ZNF609: variants seen among roughly 807,000 people sequenced by gnomAD.
ZNF609 encodes the protein zinc finger protein 609.
A neutral mutation model predicts 109.5 loss-of-function variants in ZNF609; 11 were observed. The ratio of observed to expected loss-of-function variants is 0.10; its 90% CI spans 0.06 to 0.17. The LOEUF (loss-of-function observed/expected upper bound fraction) is 0.17, where lower values mean the gene tolerates loss of function less well. Ranked by LOEUF, ZNF609 falls within the 10% of genes least tolerant of loss-of-function variation. The pLI, the probability that ZNF609 is intolerant of heterozygous loss-of-function variation, is 1.00. For synonymous variants in ZNF609, 646 were observed against 662.0 expected (o/e 0.98, Z 0.37); for missense variants, 1,559 against 1,772.4 (o/e 0.88, Z 2.16).
chr15:64,507,984 T>C (rs1442430696), intron 2 of ZNF609, among the ~76,000 whole-genome samples: 2 of 152,178 alleles, frequency 1.3e-5, no homozygotes, highest in Non-Finnish European at 2.9e-5. Context: ...ACAAATCCTA[T>C]TCCCTAAAGT....
chr15:64,593,053 CTG>C (rs1895328842), intron 2 of ZNF609: 5 of 1,587,160 alleles, frequency 3.2e-6, no homozygotes, highest in East Asian at 4.5e-5. Context: ...GCTGCACTAA[CTG>C]TGCCCGATGC....
intron 2 of ZNF609, among the ~76,000 whole-genome samples, chr15:64,546,522 G>A (rs1188800481): frequency 2.0e-5 from 3 of 151,494 alleles, no homozygotes; most frequent in Admixed American, 2.0e-4. Flanking sequence ...GCACAGGTTG[G>A]AGTGCGGTGG....
intron 1 of ZNF609, among the ~76,000 whole-genome samples, chr15:64,481,009 G>A (rs1046647251): frequency 2.0e-5 from 3 of 152,168 alleles, no homozygotes; most frequent in East Asian, 1.9e-4. Context: ...ATTGATTCAG[G>A]TTTCTGTAGG....
intron 2 of ZNF609, among the ~76,000 whole-genome samples, chr15:64,617,984 G>A (rs1895824803): frequency 1.3e-5 from 2 of 152,002 alleles, no homozygotes; most frequent in African/African-American, 4.8e-5. Flanking sequence ...AACTTTTGTT[G>A]GTGTAGTTAT....
chr15:64,680,666 G>A lies in ZNF609; in HGVS notation c.3966G>A (p.Gln1322=), dbSNP rs1271283053. The A allele has an allele frequency of 3.7e-6, 6 of 1,603,102 alleles. No homozygotes were observed. Among genetic ancestry groups the A allele is most frequent in the Admixed American group, 3.4e-5 (2 of 58,914 alleles). The change falls in exon 8 of 10, where the codon CAG becomes CAA. Residue 1322 remains glutamine (Q), a synonymous_variant. Coordinates refer to ENST00000326648, the MANE Select transcript of ZNF609 (RefSeq NM_015042.2). ...KSPTISDKTS[Q]ERDRGGCGVV... Reference sequence around the variant, plus strand: ...TCCAGATAAGTGATAAAACTTCTCAGGAGAGAGATCGAGGAGGCTGTGGGG... The same window carrying A: ...TCCAGATAAGTGATAAAACTTCTCAAGAGAGAGATCGAGGAGGCTGTGGGG...
In ZNF609 at chr15:64,684,582, C is replaced by G. The variant is rs576245353; in HGVS notation, c.*2896C>G. On this transcript the variant is annotated 3_prime_UTR_variant, in exon 10 of 10. Transcript: ENST00000326648. Reference sequence around the variant, plus strand: ...TCCTTCTCTTACCGAACTCTCTCCACACATCACAAGGTCAAAGAACCACAC... The same window carrying G: ...TCCTTCTCTTACCGAACTCTCTCCAGACATCACAAGGTCAAAGAACCACAC... 6.5e-6 allele frequency: 1 copy of G among 152,688 alleles called. No homozygotes were observed. Among genetic ancestry groups the G allele is most frequent in the Non-Finnish European group, 1.5e-5 (1 of 68,046 alleles). 9.5% of individuals were successfully genotyped at this position (152,688 alleles called of 1,614,324 possible). A position where few individuals can be genotyped will look rare whatever the true frequency, so the allele number is the denominator to read the frequency against.
chr15:64,680,844 A>G lies in ZNF609; in HGVS notation c.4144A>G (p.Asn1382Asp). ...GTACTCATTGCTCCCAGCACAGTAC[A>G]ACTTACCCTATGCAGCAGGTAAGCC... ...LGYSLLPAQY[N>D]LPYAAGLSST... Residue 1382 changes from asparagine to aspartate, a missense_variant, in exon 8 of 10, where the codon AAC becomes GAC. Transcript: ENST00000326648. 2 of 1,611,316 alleles carry G rather than the reference A, an allele frequency of 1.2e-6. No individual in the cohort carries two copies. Among genetic ancestry groups the G allele is most frequent in the Non-Finnish European group, 1.7e-6 (2 of 1,180,000 alleles).
chr15:64,462,254 G>A (rs1210091178), intron 1 of ZNF609, among the ~76,000 whole-genome samples: 1 of 152,254 alleles, frequency 6.6e-6, no homozygotes, highest in Non-Finnish European at 1.5e-5. Context: ...TGCCAGCCAT[G>A]TTGTGCCTGC....
chr15:64,614,234 C>CT (rs749012449), intron 2 of ZNF609, among the ~76,000 whole-genome samples: 305 of 128,384 alleles, frequency 2.4e-3, no homozygotes, highest in African/African-American at 4.4e-3. Context: ...TTCTGTATTT[C>CT]TTTTTTTTTT....
At chr15:64,463,418 T>C (rs968107823) in intron 1 of ZNF609, among the ~76,000 whole-genome samples, 1 of 149,870 alleles carries the variant, frequency 6.7e-6, no homozygotes, top group Non-Finnish European at 1.5e-5. Flanking sequence ...AAAAAAAAAA[T>C]TTGGGGCCTG....
intron 2 of ZNF609, among the ~76,000 whole-genome samples, chr15:64,511,207 C>T (rs988187954): frequency 2.0e-5 from 3 of 151,950 alleles, no homozygotes; most frequent in African/African-American, 7.2e-5. Flanking sequence ...CTCGGTGGCT[C>T]ACACCTGTAA....
intron 2 of ZNF609, among the ~76,000 whole-genome samples, chr15:64,604,683 A>G (rs1485237697): frequency 6.6e-6 from 1 of 152,228 alleles, no homozygotes; most frequent in Admixed American, 6.5e-5. Context: ...TAAGCAAACA[A>G]AGAATTTATA....
chr15:64,522,527 G>A (rs1430825319), intron 2 of ZNF609, among the ~76,000 whole-genome samples: 2 of 152,100 alleles, frequency 1.3e-5, no homozygotes, highest in Non-Finnish European at 2.9e-5. Flanking sequence ...TCTTTGTTTA[G>A]CTTTTTATAA....
intron 2 of ZNF609, among the ~76,000 whole-genome samples, chr15:64,589,875 C>T (rs890197802): frequency 1.3e-5 from 2 of 152,088 alleles, no homozygotes; most frequent in African/African-American, 2.4e-5. Flanking sequence ...AGGAAAAACT[C>T]GATGCTTTTG....
intron 1 of ZNF609, among the ~76,000 whole-genome samples, chr15:64,475,097 CTTTTTT>C (rs56289189): frequency 2.1e-5 from 2 of 93,028 alleles, no homozygotes; most frequent in Non-Finnish European, 4.1e-5. Context: ...CCAGTTTATC[CTTTTTT>C]TTTTTTTTTT....
intron 2 of ZNF609, among the ~76,000 whole-genome samples, chr15:64,575,294 C>G (rs1319659747): frequency 6.6e-6 from 1 of 152,056 alleles, no homozygotes; most frequent in Non-Finnish European, 1.5e-5. Flanking sequence ...TGTGGTGGCA[C>G]ATGCCTGTAT....
intron 2 of ZNF609, among the ~76,000 whole-genome samples, chr15:64,565,436 G>C (rs868066541): frequency 6.6e-6 from 1 of 151,900 alleles, no homozygotes; most frequent in African/African-American, 2.4e-5. Flanking sequence ...GTCTTTAAGT[G>C]CTTGTCCCTT....
At chr15:64,579,711 A>AAC (rs1555420676) in intron 2 of ZNF609, among the ~76,000 whole-genome samples, 1 of 149,804 alleles carries the variant, frequency 6.7e-6, no homozygotes, top group Non-Finnish European at 1.5e-5. Context: ...CAAACAAACA[A>AAC]AAAAAAAAAA....
chr15:64,641,488 A>T (rs1187316212), intron 3 of ZNF609, among the ~76,000 whole-genome samples: 1 of 151,888 alleles, frequency 6.6e-6, no homozygotes, highest in African/African-American at 2.4e-5. Flanking sequence ...TGCTGGGATT[A>T]CAGGAGTGAG....
Sources: allele counts gnomAD v4.1 joint callset (sites outside exome capture counted in the v4.1 genomes callset), GRCh38; gene constraint gnomAD v4.1.1; transcripts MANE v1.5; gene names NCBI Gene and HGNC (gene_info 2026-07-23, HGNC 2026-07-21).